Variants in KLHL18 observed in about 807,000 individuals in gnomAD.
KLHL18 encodes the protein kelch-like protein 18.
A neutral mutation model predicts 58.5 loss-of-function variants in KLHL18; 38 were observed. The ratio of observed to expected loss-of-function variants is 0.65; its 90% confidence interval spans 0.50 to 0.85. The LOEUF (loss-of-function observed/expected upper bound fraction) is 0.85. Ranked by LOEUF, KLHL18 falls within the 40% of genes least tolerant of loss-of-function variation. The pLI, the probability that KLHL18 is intolerant of heterozygous loss-of-function variation, is 0.00. For synonymous variants in KLHL18, 303 were observed against 301.9 expected (o/e 1.00, Z -0.04); for missense variants, 624 against 778.4 (o/e 0.80, Z 2.36).
At position 47,343,705 on chromosome 3, in the gene KLHL18, T is replaced by G; in HGVS notation, c.1489T>G (p.Tyr497Asp). ...GSGFLSIAEMYSSVADQWCLI... is the reference protein window; with the variant it reads ...GSGFLSIAEMDSSVADQWCLI... Reference sequence around the variant, plus strand: ...TGGCTTCCTCAGCATTGCCGAGATGTACAGCTCTGTGGCAGACCAGTGGTG... The same window carrying G: ...TGGCTTCCTCAGCATTGCCGAGATGGACAGCTCTGTGGCAGACCAGTGGTG... Residue 497 changes from tyrosine to aspartate, a missense_variant, in exon 10 of 10, where the codon TAC (tyrosine) becomes GAC (aspartate). Transcript: ENST00000232766. 6.2e-7 allele frequency: 1 copy of G among 1,614,204 alleles called. No individual in the cohort carries two copies. The highest frequency in any genetic ancestry group is 8.5e-7 in the Non-Finnish European group (1 of 1,180,046).
chr3:47,326,518 C>T (rs958971030), intron 3 of KLHL18, among the ~76,000 whole-genome samples: 1 of 152,102 alleles, frequency 6.6e-6, no homozygotes, highest in Non-Finnish European at 1.5e-5. Context: ...TGCATGGGCC[C>T]CTTTCCTGTG....
chr3:47,304,860 C>CA (rs1703105145), intron 1 of KLHL18, among the ~76,000 whole-genome samples: 1 of 151,958 alleles, frequency 6.6e-6, no homozygotes. Context: ...CCCATCTCCA[C>CA]AAAAAATACA....
intron 1 of KLHL18, among the ~76,000 whole-genome samples, chr3:47,298,639 T>A (rs1168199506): frequency 6.6e-6 from 1 of 152,204 alleles, no homozygotes; most frequent in Non-Finnish European, 1.5e-5. Flanking sequence ...TCAAGGTTAC[T>A]AATGACCTCC....
At chr3:47,303,293 A>G (rs1053578484) in intron 1 of KLHL18, among the ~76,000 whole-genome samples, 2 of 152,210 alleles carry the variant, frequency 1.3e-5, no homozygotes, top group African/African-American at 4.8e-5. Context: ...AGTACTGTGT[A>G]TAATGAGCTT....
At chr3:47,333,085 T>G (rs564875264) in intron 4 of KLHL18, 72 bp from the exon 5 acceptor site, 1 of 1,509,924 alleles carries the variant, frequency 6.6e-7, no homozygotes, top group Admixed American at 1.9e-5. Flanking sequence ...AGTGGAGGCA[T>G]TGAGATTGGA....
chr3:47,313,434 G>C (rs1423260104), intron 1 of KLHL18, among the ~76,000 whole-genome samples: 1 of 151,148 alleles, frequency 6.6e-6, no homozygotes, highest in Non-Finnish European at 1.5e-5. Context: ...ATATTGCCCA[G>C]ACTGGTCTGA....
In KLHL18 at chr3:47,333,261, G is replaced by T; in HGVS notation, c.705G>T (p.Gln235His). The change falls in exon 5 of 10, where the codon CAG (glutamine) becomes CAT (histidine). Residue 235 changes from glutamine to histidine, a missense_variant. Physicochemically the swap from Gln to His is conservative, Grantham distance 24. Coordinates refer to ENST00000232766, the MANE Select transcript of KLHL18 (RefSeq NM_025010.5). Reference sequence around the variant, plus strand: ...TCCGCCTGCCCCTCTGTCGGCCCCAGTTCCTTTCAGACAGAGTACAGCAGG... The same window carrying T: ...TCCGCCTGCCCCTCTGTCGGCCCCATTTCCTTTCAGACAGAGTACAGCAGG... ...SNIRLPLCRPQFLSDRVQQDD... is the reference protein window; with the variant it reads ...SNIRLPLCRPHFLSDRVQQDD... 1.2e-6 allele frequency: 2 copies of T among 1,614,196 alleles called. No homozygotes were observed. The highest frequency in any genetic ancestry group is 1.1e-5 in the South Asian group (1 of 91,082).
At position 47,336,689 on chromosome 3, in the gene KLHL18, C is replaced by T. The variant is rs1703993715; in HGVS notation, c.1053C>T (p.Ser351=). 9 of 1,614,226 alleles carry T rather than the reference C, an allele frequency of 5.6e-6. 1 individual carries two copies. In the East Asian group the frequency reaches 1.6e-4, roughly 28 times the overall value. ...IGGYDGQLRL[S]TVEAYNPETD... is the part of the protein sequence containing the mutation. ...GATATGACGGCCAGCTACGGCTGAG[C>T]ACTGTGGAGGCCTACAACCCGGAGA... Residue 351 remains serine (S), a synonymous_variant, in exon 7 of 10, where the codon AGC becomes AGT. Coordinates refer to ENST00000232766, the MANE Select transcript of KLHL18 (RefSeq NM_025010.5).
chr3:47,338,274 T>C (rs900924513), intron 7 of KLHL18: 2 of 152,284 alleles, frequency 1.3e-5, no homozygotes, highest in Admixed American at 6.5e-5. Flanking sequence ...TAGTTGATAG[T>C]TAATCTCATG....
chr3:47,286,413 T>G (rs1338670090), intron 1 of KLHL18, among the ~76,000 whole-genome samples: 1 of 152,234 alleles, frequency 6.6e-6, no homozygotes, highest in African/African-American at 2.4e-5. Flanking sequence ...AGTTTTCTGG[T>G]GACTCCACAG....
chr3:47,336,316 T>TA (rs1297449346), intron 6 of KLHL18, among the ~76,000 whole-genome samples: 5 of 152,210 alleles, frequency 3.3e-5, no homozygotes, highest in Admixed American at 3.3e-4. Context: ...CTACCCTCTC[T>TA]AAAAAATAAA....
At chr3:47,311,818 A>C (rs141274678) in intron 1 of KLHL18, among the ~76,000 whole-genome samples, 149 of 152,266 alleles carry the variant, frequency 9.8e-4, no homozygotes, top group African/African-American at 3.4e-3. Flanking sequence ...AATTTACCAA[A>C]CAAAGCTGTT....
intron 4 of KLHL18, 93 bp downstream of exon 4, chr3:47,330,242 A>T: frequency 8.7e-7 from 1 of 1,150,974 alleles, no homozygotes; most frequent in African/African-American, 1.5e-5. Context: ...CAAAGTTAAG[A>T]TCATGACATG....
intron 1 of KLHL18, among the ~76,000 whole-genome samples, chr3:47,295,553 C>T (rs907830345): frequency 1.5e-5 from 2 of 132,618 alleles, no homozygotes; most frequent in African/African-American, 8.5e-5. Flanking sequence ...CCTTGCTTTC[C>T]CTTTCCCTTT....
In KLHL18 at chr3:47,344,011, C is replaced by T; in HGVS notation, c.*70C>T. 1.1e-5 allele frequency: 17 copies of T among 1,561,470 alleles called. No individual in the cohort carries two copies. The highest frequency in any genetic ancestry group is 1.5e-5 in the Non-Finnish European group (17 of 1,160,924). The stretch of plus-strand genomic sequence containing the variant: ...AGGCGCTTCCTTCCAGGAACAGTCC[C>T]TCAGGAGAGGCAGTGGACCAGAAGA... On this transcript the variant is annotated 3_prime_UTR_variant, in exon 10 of 10. Transcript: ENST00000232766.
intron 3 of KLHL18, among the ~76,000 whole-genome samples, chr3:47,327,667 T>C (rs1195643956): frequency 1.3e-5 from 2 of 152,276 alleles, no homozygotes; most frequent in Non-Finnish European, 2.9e-5. Context: ...TCTTGCTCTC[T>C]GCTTATGTTT....
At chr3:47,288,908 T>G (rs1702734398) in intron 1 of KLHL18, among the ~76,000 whole-genome samples, 1 of 152,240 alleles carries the variant, frequency 6.6e-6, no homozygotes, top group African/African-American at 2.4e-5. Flanking sequence ...TTTCGTGTCC[T>G]TTGCTCTGGG....
intron 1 of KLHL18, among the ~76,000 whole-genome samples, chr3:47,294,797 G>T (rs1276308130): frequency 6.6e-6 from 1 of 152,172 alleles, no homozygotes; most frequent in Non-Finnish European, 1.5e-5. Flanking sequence ...AGAAAGTTAG[G>T]ATGCATATTC....
At chr3:47,317,971 C>T (rs1358892399) in intron 1 of KLHL18, among the ~76,000 whole-genome samples, 3 of 152,148 alleles carry the variant, frequency 2.0e-5, no homozygotes, top group Non-Finnish European at 2.9e-5. Flanking sequence ...CAGGTTCAAG[C>T]GACTCTCCTG....
Sources: gnomAD v4.1 joint callset for allele counts (sites outside exome capture counted in the v4.1 genomes callset) on GRCh38, gnomAD v4.1.1 for gene constraint, MANE v1.5 for transcripts, NCBI Gene and HGNC (gene_info 2026-07-23, HGNC 2026-07-21) for gene names.